The following FRMD6 variants were observed in gnomAD, a reference collection of about 807,000 sequenced individuals.
FRMD6 encodes the protein FERM domain-containing protein 6.
FRMD6 carries 37 observed loss-of-function variants against 73.2 expected under a neutral mutation model. That is an observed-to-expected ratio of 0.51 (90% CI 0.39 to 0.66). The LOEUF is 0.66. FRMD6 is among the 30% of genes least tolerant of loss of function. The pLI is 0.00. For synonymous variants in FRMD6, 273 were observed against 282.2 expected (o/e 0.97, Z 0.33); for missense variants, 714 against 780.5 (o/e 0.91, Z 1.02).
At chr14:51,493,394 T>C (rs1256267252) in intron 1 of FRMD6, among the ~76,000 whole-genome samples, 1 of 152,158 alleles carries the variant, frequency 6.6e-6, no homozygotes, top group African/African-American at 2.4e-5. Flanking sequence ...TGGGAGGTAA[T>C]TGAATCATGA....
At chr14:51,567,244 C>G (rs1022017480) in intron 1 of FRMD6, among the ~76,000 whole-genome samples, 7 of 152,170 alleles carry the variant, frequency 4.6e-5, no homozygotes, top group Non-Finnish European at 8.8e-5. Context: ...GCAACTAACT[C>G]AAATTTGTTT....
chr14:51,495,221 A>T (rs1348817673), intron 1 of FRMD6, among the ~76,000 whole-genome samples: 2 of 152,194 alleles, frequency 1.3e-5, no homozygotes, highest in East Asian at 3.8e-4. Flanking sequence ...GTTTAATAAC[A>T]TGTTTCTTGT....
At chr14:51,674,725 G>A (rs948500643) in intron 1 of FRMD6, among the ~76,000 whole-genome samples, 13 of 151,994 alleles carry the variant, frequency 8.6e-5, no homozygotes, top group Admixed American at 2.0e-4. Flanking sequence ...CCTTTAAAAA[G>A]CATACTTTAA....
chr14:51,638,101 C>T (rs1192564734), intron 2 of FRMD6, among the ~76,000 whole-genome samples: 2 of 152,160 alleles, frequency 1.3e-5, no homozygotes, highest in African/African-American at 4.8e-5. Context: ...CTGGACAACA[C>T]AGTGAACCCT....
At chr14:51,639,360 G>A (rs1474560605) in intron 2 of FRMD6, among the ~76,000 whole-genome samples, 3 of 151,898 alleles carry the variant, frequency 2.0e-5, no homozygotes, top group Admixed American at 6.6e-5. Flanking sequence ...GCGTGAACCC[G>A]GTAGGCGGAG....
the FRMD6 span, among the ~76,000 whole-genome samples, chr14:51,400,559 T>C: frequency 6.6e-6 from 1 of 152,214 alleles, no homozygotes; most frequent in African/African-American, 2.4e-5. Context: ...AAAATTTCAA[T>C]CTGTTTTTTG....
chr14:51,642,926 G>C (rs184785740), intron 2 of FRMD6, among the ~76,000 whole-genome samples: 51 of 152,276 alleles, frequency 3.3e-4, no homozygotes, highest in African/African-American at 1.2e-3. Flanking sequence ...GCTTTGGTAG[G>C]AGGAGATTAA....
intron 1 of FRMD6, among the ~76,000 whole-genome samples, chr14:51,545,705 AT>A (rs1490326274): frequency 1.3e-5 from 2 of 152,160 alleles, no homozygotes; most frequent in African/African-American, 4.8e-5. Context: ...CATTCAGTAA[AT>A]GCTAGCTACC....
At chr14:51,585,205 A>T (rs1369719364) in intron 2 of FRMD6, among the ~76,000 whole-genome samples, 1 of 152,078 alleles carries the variant, frequency 6.6e-6, no homozygotes, top group Non-Finnish European at 1.5e-5. Context: ...CGCCCCTAGA[A>T]GCTCCTCCTG....
chr14:51,727,868 A>G lies in FRMD6; in HGVS notation c.1708A>G (p.Thr570Ala). Residue 570 changes from threonine (T) to alanine (A), a missense_variant, in exon 14 of 14, where the codon ACC (threonine) becomes GCC (alanine). By Grantham distance (58) the Thr-to-Ala change is moderately conservative. Coordinates refer to ENST00000344768, the MANE Select transcript of FRMD6 (RefSeq NM_001267046.2). ...GLCQDTAQSY[T>A]FGCGHELDEE... ...GTGTCAGGACACTGCTCAGAGTTAC[A>G]CCTTTGGATGTGGCCATGAACTGGA... 1 of 1,614,140 alleles carries G rather than the reference A, an allele frequency of 6.2e-7. No individual in the cohort carries two copies. Among genetic ancestry groups the G allele is most frequent in the Non-Finnish European group, 8.5e-7 (1 of 1,180,012 alleles).
chr14:51,412,990 ATTTT>A, the FRMD6 span, among the ~76,000 whole-genome samples: 2 of 134,134 alleles, frequency 1.5e-5, no homozygotes, highest in African/African-American at 5.6e-5. Flanking sequence ...CCATAGTTAA[ATTTT>A]TTTTTTTTTT....
intron 1 of FRMD6, among the ~76,000 whole-genome samples, chr14:51,564,224 A>T (rs1887651467): frequency 6.6e-6 from 1 of 152,214 alleles, no homozygotes; most frequent in Non-Finnish European, 1.5e-5. Flanking sequence ...ACTTTTGAAC[A>T]TGTAAATTCC....
chr14:51,451,422 G>A, the FRMD6 span, among the ~76,000 whole-genome samples: 19 of 152,336 alleles, frequency 1.2e-4, no homozygotes, highest in East Asian at 3.7e-3. Context: ...TACCCAGGCT[G>A]GAGTGCAGTG....
At chr14:51,517,565 A>C (rs1399559040) in intron 1 of FRMD6, among the ~76,000 whole-genome samples, 1 of 152,108 alleles carries the variant, frequency 6.6e-6, no homozygotes, top group African/African-American at 2.4e-5. Flanking sequence ...GGAAGAATAG[A>C]GTCTCAAGTT....
chr14:51,482,783 C>G, the FRMD6 span, among the ~76,000 whole-genome samples: 1 of 152,032 alleles, frequency 6.6e-6, no homozygotes, highest in African/African-American at 2.4e-5. Flanking sequence ...TCATTGCAAC[C>G]TCTGCCTCCT....
intron 2 of FRMD6, among the ~76,000 whole-genome samples, chr14:51,595,122 A>G (rs1001731702): frequency 7.9e-5 from 12 of 152,162 alleles, no homozygotes; most frequent in Non-Finnish European, 1.6e-4. Context: ...TGGACCAATG[A>G]GCCAAAACTC....
At chr14:51,639,403 C>A (rs1891723005) in intron 2 of FRMD6, among the ~76,000 whole-genome samples, 1 of 151,564 alleles carries the variant, frequency 6.6e-6, no homozygotes, top group African/African-American at 2.4e-5. Flanking sequence ...CCACTGCACT[C>A]CAGCCTGGGT....
At chr14:51,710,229 G>A (rs1482709967) in intron 7 of FRMD6, among the ~76,000 whole-genome samples, 1 of 152,126 alleles carries the variant, frequency 6.6e-6, no homozygotes, top group Non-Finnish European at 1.5e-5. Context: ...TAATGAAGTG[G>A]GGGAAAAGAT....
intron 2 of FRMD6, among the ~76,000 whole-genome samples, chr14:51,642,152 T>C (rs1461685032): frequency 1.3e-5 from 2 of 152,142 alleles, no homozygotes; most frequent in Non-Finnish European, 2.9e-5. Context: ...TGGCAAAGGG[T>C]TGGTTTTCAG....
Sources: gnomAD v4.1 joint callset for allele counts (sites outside exome capture counted in the v4.1 genomes callset) on GRCh38, gnomAD v4.1.1 for gene constraint, MANE v1.5 for transcripts, NCBI Gene and HGNC (gene_info 2026-07-23, HGNC 2026-07-21) for gene names.